The following TBPL1 variants were observed in gnomAD, a reference collection of about 807,000 sequenced individuals.
TBPL1 encodes TATA box-binding protein-like 1.
A neutral mutation model predicts 22.1 loss-of-function variants in TBPL1; 4 were observed. The observed-to-expected ratio is 0.18, with a 90% CI of 0.09 to 0.41. The LOEUF is 0.41. Ranked by LOEUF, TBPL1 falls within the 10% of genes least tolerant of loss-of-function variation. TBPL1 has a pLI of 1.00. For missense variants in TBPL1, 115 were observed against 222.3 expected, an observed-to-expected ratio of 0.52 and a Z score of 3.07; for synonymous variants, 64 against 71.0, an observed-to-expected ratio of 0.90 and a Z score of 0.50.
chr6:133,966,452 C>T (rs1776120585), intron 1 of TBPL1, among the ~76,000 whole-genome samples: 1 of 152,100 alleles, frequency 6.6e-6, no homozygotes, highest in Non-Finnish European at 1.5e-5. Flanking sequence ...TTAAATTTCA[C>T]CCATGATGGT....
At chr6:133,963,639 C>T (rs1182094898) in intron 1 of TBPL1, among the ~76,000 whole-genome samples, 1 of 152,130 alleles carries the variant, frequency 6.6e-6, no homozygotes, top group Non-Finnish European at 1.5e-5. Flanking sequence ...TCAGTCTGGT[C>T]TGTAACTCCT....
At chr6:133,969,374 CTT>C (rs1313747278) in intron 1 of TBPL1, among the ~76,000 whole-genome samples, 1 of 148,372 alleles carries the variant, frequency 6.7e-6, no homozygotes, top group Non-Finnish European at 1.5e-5. Context: ...CCATAATTCA[CTT>C]TGATACAAAA....
upstream of TBPL1, chr6:133,952,838 A>T (rs1775856072): frequency 6.6e-6 from 1 of 152,160 alleles, no homozygotes; most frequent in South Asian, 2.1e-4. The surrounding 1 kb of genome is among the most constrained non-coding windows in gnomAD (Gnocchi z 4.5). Flanking sequence ...AAGTCCACCT[A>T]AATATTCGAC....
At chr6:133,964,417 GT>G (rs1201567242) in intron 1 of TBPL1, among the ~76,000 whole-genome samples, 5 of 146,172 alleles carry the variant, frequency 3.4e-5, no homozygotes, top group African/African-American at 1.3e-4. Flanking sequence ...TGAACTGTTT[GT>G]TTTTTTTGTT....
intron 1 of TBPL1, among the ~76,000 whole-genome samples, chr6:133,979,128 T>A (rs1776365418): frequency 1.3e-5 from 2 of 152,204 alleles, no homozygotes; most frequent in Non-Finnish European, 2.9e-5. Context: ...TGCAAATTAC[T>A]TGGTAGAGCT....
chr6:133,982,763 A>G (rs1582584239), intron 3 of TBPL1, 54 bp from the exon 4 acceptor site: 3 of 1,594,278 alleles, frequency 1.9e-6, no homozygotes, highest in Admixed American at 3.5e-5. Context: ...GTTCCTCAGT[A>G]TAACATTTAT....
At position 133,989,429 on chromosome 6, in the gene TBPL1, C is replaced by T. The variant is rs1776588374; in HGVS notation, c.*2389C>T. ...ACTGGCTAGGTTGATAAACAATTTC[C>T]TGCCCATTTATAATGAAGGGCTAAA... is the stretch of plus-strand genomic sequence containing the variant. On this transcript the variant is annotated 3_prime_UTR_variant, in exon 7 of 7. Coordinates refer to ENST00000237264, the MANE Select transcript of TBPL1 (RefSeq NM_004865.4). 2 of 152,086 alleles carry T rather than the reference C, an allele frequency of 1.3e-5. No homozygotes were observed. The highest frequency in any genetic ancestry group is 4.1e-4 in the South Asian group (2 of 4,826). The allele number at this position is 152,086 out of a possible 1,614,324, so 9.4% of individuals were successfully genotyped here.
intron 6 of TBPL1, among the ~76,000 whole-genome samples, chr6:133,985,376 A>ATT (rs535257177): frequency 4.1e-5 from 5 of 120,930 alleles, no homozygotes; most frequent in Admixed American, 1.9e-4. Context: ...CCATAGTATG[A>ATT]TTTTTTTTTT....
chr6:133,977,574 T>C (rs925167913), intron 1 of TBPL1, among the ~76,000 whole-genome samples: 1 of 152,136 alleles, frequency 6.6e-6, no homozygotes, highest in African/African-American at 2.4e-5. Context: ...ACAAGTAAAA[T>C]AGTAAATTTG....
chr6:133,984,485 T>C lies in TBPL1; in HGVS notation c.386+6T>C. 1 of 1,613,200 alleles carries C rather than the reference T, an allele frequency of 6.2e-7. No homozygotes were observed. The highest frequency in any genetic ancestry group is 8.5e-7 in the Non-Finnish European group (1 of 1,179,520). On this transcript the variant is annotated splice_donor_region_variant and intron_variant, in intron 5 of 6. Coordinates refer to ENST00000237264, the MANE Select transcript of TBPL1 (RefSeq NM_004865.4). ...AACAATAGACCTCATGCCAGGTAAG[T>C]CTTTGAAGCAATTTATCTTGAGAAA...
Position 133,987,603 on chromosome 6 carries a change from G to GGCTAAAGAAGCTAAA in TBPL1, c.*566_*567insAAAGAAGCTAAAGCT, listed in dbSNP as rs1776551430. On this transcript the variant is annotated 3_prime_UTR_variant, in exon 7 of 7. Transcript: ENST00000237264. ...CTTAAGACTTTGGCTAAAGTGTGTTGGCTTCTTTTTGAAGTGTATTTTGTG... is the reference window on the plus strand; with the variant it reads ...CTTAAGACTTTGGCTAAAGTGTGTTGGCTAAAGAAGCTAAAGCTTCTTTTTGAAGTGTATTTTGTG... 1 of 142,464 alleles carries GGCTAAAGAAGCTAAA rather than the reference G, an allele frequency of 7.0e-6. No individual in the cohort carries two copies. Among genetic ancestry groups the GGCTAAAGAAGCTAAA allele is most frequent in the Non-Finnish European group, 1.5e-5 (1 of 64,586 alleles). The allele number at this position is 142,464 out of a possible 1,614,324, so 8.8% of individuals were successfully genotyped here.
chr6:133,987,646 G>GTATATATATATATATATATATATA lies in TBPL1; in HGVS notation c.*607_*608insATATATATATATATATATATATAT, dbSNP rs1165164380. On this transcript the variant is annotated 3_prime_UTR_variant, in exon 7 of 7. Transcript: ENST00000237264. ...ATTTTGTGTGTGTGTGTGTGTGTGT[G>GTATATATATATATATATATATATA]TGTATATATATATATATATATGCAC... The GTATATATATATATATATATATATA allele has an allele frequency of 5.3e-5, 7 of 133,260 alleles. No individual in the cohort carries two copies. The highest frequency in any genetic ancestry group is 2.4e-4 in the South Asian group (1 of 4,222). 8.3% of individuals were successfully genotyped at this position (133,260 alleles called of 1,614,324 possible).
chr6:133,987,646 GTGTA>G lies in TBPL1; in HGVS notation c.*608_*611del, dbSNP rs146405495. 868 of 132,862 alleles carry G rather than the reference GTGTA, an allele frequency of 6.5e-3. 8 individuals are homozygous for G. The highest frequency in any genetic ancestry group is 0.019 in the African/African-American group (691 of 36,136). 8.2% of individuals were successfully genotyped at this position (132,862 alleles called of 1,614,324 possible). ...ATTTTGTGTGTGTGTGTGTGTGTGT[GTGTA>G]TATATATATATATATATGCACCACA... On this transcript the variant is annotated 3_prime_UTR_variant, in exon 7 of 7. Transcript: ENST00000237264.
At position 133,960,151 on chromosome 6, in the gene TBPL1, C is replaced by A. The variant is rs17063210; in HGVS notation, c.-45+6726C>A. ...CCTTAATTGCTTGTGGGTTGACCTC[C>A]TTCCAGGATCTTTGCTCGTTACAGA... On this transcript the variant is annotated intron_variant, in intron 1 of 6. Coordinates refer to ENST00000237264, the MANE Select transcript of TBPL1 (RefSeq NM_004865.4). 8.4e-3 allele frequency among the ~76,000 whole-genome samples: 1,281 copies of A among 152,286 alleles called. 38 individuals carry two copies. The highest frequency in any genetic ancestry group is 0.062 in the Admixed American group (946 of 15,300).
intron 2 of TBPL1, 26 bp from the exon 3 acceptor site, chr6:133,982,542 G>C: frequency 6.3e-7 from 1 of 1,591,602 alleles, no homozygotes; most frequent in African/African-American, 1.4e-5. Context: ...ATGCTTATGA[G>C]GTAATCAGAT....
chr6:133,961,699 C>T lies in TBPL1; in HGVS notation c.-45+8274C>T, dbSNP rs936751933. 4.6e-5 allele frequency among the ~76,000 whole-genome samples: 7 copies of T among 152,030 alleles called. No individual in the cohort carries two copies. The East Asian group carries it at 5.8e-4, about 13-fold the overall frequency. On this transcript the variant is annotated intron_variant, in intron 1 of 6. Coordinates refer to ENST00000237264, the MANE Select transcript of TBPL1 (RefSeq NM_004865.4). ...CGGGCTGGTCTTGAATCCCTGACCT[C>T]GTGATCCATGCGCCTTGGCCTCCCA...
intron 1 of TBPL1, among the ~76,000 whole-genome samples, chr6:133,964,452 TG>T (rs1776082720): frequency 1.3e-5 from 2 of 151,034 alleles, no homozygotes; most frequent in African/African-American, 2.4e-5. Flanking sequence ...TTGGGTTTTT[TG>T]GGTTTTTTTT....
intron 1 of TBPL1, among the ~76,000 whole-genome samples, chr6:133,956,482 C>T (rs1343371694): frequency 6.6e-6 from 1 of 152,162 alleles, no homozygotes; most frequent in African/African-American, 2.4e-5. Context: ...TACATACTGC[C>T]TGGTACTGTC....
intron 1 of TBPL1, among the ~76,000 whole-genome samples, chr6:133,973,784 CTTTT>C (rs1776265303): frequency 6.6e-6 from 1 of 151,980 alleles, no homozygotes; most frequent in Non-Finnish European, 1.5e-5. Context: ...TTGAAGTTTG[CTTTT>C]TTTATGAGAA....
Sources: gnomAD v4.1 joint callset for allele counts (sites outside exome capture counted in the v4.1 genomes callset) on GRCh38, gnomAD v4.1.1 for gene constraint, Gnocchi (gnomAD v3.1) non-coding constraint, MANE v1.5 for transcripts, NCBI Gene and HGNC (gene_info 2026-07-23, HGNC 2026-07-21) for gene names.